The following ZBTB20 variants were observed in gnomAD, a reference collection of about 807,000 sequenced individuals.
ZBTB20 encodes the protein zinc finger and BTB domain containing 20.
Under a neutral mutation model 56.9 loss-of-function variants are expected in ZBTB20, and 9 were observed. The observed-to-expected ratio is 0.16, with a 90% CI of 0.10 to 0.28. The LOEUF (loss-of-function observed/expected upper bound fraction) is 0.28. ZBTB20 is among the 10% of genes least tolerant of loss of function. The pLI, the probability that ZBTB20 is intolerant of heterozygous loss-of-function variation, is 1.00. For synonymous variants in ZBTB20, 417 were observed against 420.7 expected (o/e 0.99, Z 0.11); for missense variants, 655 against 1,003.0 (o/e 0.65, Z 4.69).
chr3:115,002,289 G>T (rs2079284857), intron 2 of ZBTB20, among the ~76,000 whole-genome samples: 1 of 151,412 alleles, frequency 6.6e-6, no homozygotes, highest in African/African-American at 2.4e-5. Flanking sequence ...ATAAATAGGA[G>T]AACATCTAGT....
intron 5 of ZBTB20, among the ~76,000 whole-genome samples, chr3:114,798,515 T>C (rs1467324361): frequency 1.3e-5 from 2 of 151,814 alleles, no homozygotes; most frequent in Non-Finnish European, 2.9e-5. Context: ...AGACCCTGAT[T>C]GTAGTGGAAA....
intron 3 of ZBTB20, among the ~76,000 whole-genome samples, chr3:114,912,280 G>A (rs867776448): frequency 1.3e-5 from 2 of 150,472 alleles, no homozygotes; most frequent in Admixed American, 6.7e-5. Flanking sequence ...AGCTCTTGGA[G>A]TGGAAATAAA....
intron 4 of ZBTB20, among the ~76,000 whole-genome samples, chr3:114,857,171 T>C (rs1352233224): frequency 6.6e-6 from 1 of 152,166 alleles, no homozygotes; most frequent in Non-Finnish European, 1.5e-5. Flanking sequence ...TTTTCATGCA[T>C]AGCTGCTTCT....
chr3:115,022,529 G>A (rs1468924275), intron 2 of ZBTB20, among the ~76,000 whole-genome samples: 1 of 151,012 alleles, frequency 6.6e-6, no homozygotes, highest in Non-Finnish European at 1.5e-5. Context: ...TTAGAGCCAT[G>A]TTTACCTGAC....
intron 4 of ZBTB20, among the ~76,000 whole-genome samples, chr3:114,859,174 G>C (rs1363129570): frequency 1.3e-5 from 2 of 151,694 alleles, no homozygotes; most frequent in Admixed American, 6.6e-5. Flanking sequence ...TCTGCTGCCT[G>C]CCTGCCCACC....
intron 8 of ZBTB20, 80 bp from the exon 9 acceptor site, chr3:114,381,020 G>T: frequency 3.0e-6 from 1 of 330,098 alleles, no homozygotes; most frequent in Admixed American, 4.7e-5. Flanking sequence ...CTACATTAAG[G>T]AACATTCAAC....
chr3:114,923,526 A>G lies in ZBTB20; in HGVS notation c.-455-23184T>C, dbSNP rs116160233. Among the ~76,000 whole-genome samples, 1,056 of 152,334 alleles carry G rather than the reference A, an allele frequency of 6.9e-3. 10 individuals carry two copies. The highest frequency in any genetic ancestry group is 0.023 in the African/African-American group (956 of 41,574). On this transcript the variant is annotated intron_variant, in intron 3 of 11. Coordinates refer to ENST00000675478, the MANE Select transcript of ZBTB20 (RefSeq NM_001348800.3). ...GGGAAACTGGATACTCAAATGCAAA[A>G]GAATAAGACTGGATCCTTGTCTTGC...
chr3:114,598,161 A>T (rs2056471248), intron 6 of ZBTB20, among the ~76,000 whole-genome samples: 1 of 152,132 alleles, frequency 6.6e-6, no homozygotes, highest in African/African-American at 2.4e-5. Flanking sequence ...TTTATACTGT[A>T]AAATTAAGGT....
intron 5 of ZBTB20, among the ~76,000 whole-genome samples, chr3:114,716,953 G>A (rs2064523706): frequency 6.6e-6 from 1 of 151,966 alleles, no homozygotes; most frequent in Non-Finnish European, 1.5e-5. Flanking sequence ...AGATCCAGGA[G>A]AATAAACAAA....
chr3:114,742,904 C>CT (rs2066724681), intron 5 of ZBTB20, among the ~76,000 whole-genome samples: 1 of 152,172 alleles, frequency 6.6e-6, no homozygotes, highest in South Asian at 2.1e-4. Context: ...TGTTGGGTGT[C>CT]TCCCATGGAG....
intron 7 of ZBTB20, among the ~76,000 whole-genome samples, chr3:114,497,000 G>C (rs1490684705): frequency 6.6e-6 from 1 of 152,154 alleles, no homozygotes; most frequent in Admixed American, 6.5e-5. Context: ...TATTCAAATT[G>C]AGGTCTTTGC....
intron 2 of ZBTB20, among the ~76,000 whole-genome samples, chr3:115,055,840 AAATT>A (rs1184951275): frequency 6.6e-6 from 1 of 152,144 alleles, no homozygotes; most frequent in African/African-American, 2.4e-5. Context: ...CAGATAATTG[AAATT>A]AATTATAGAG....
intron 6 of ZBTB20, among the ~76,000 whole-genome samples, chr3:114,504,015 C>T (rs1156267476): frequency 1.3e-5 from 2 of 152,050 alleles, no homozygotes; most frequent in African/African-American, 2.4e-5. Flanking sequence ...GGTTAGGAAC[C>T]CCTGGCCTAG....
intron 4 of ZBTB20, among the ~76,000 whole-genome samples, chr3:114,887,299 T>C (rs1232177465): frequency 6.6e-6 from 1 of 152,144 alleles, no homozygotes; most frequent in Non-Finnish European, 1.5e-5. Context: ...AAGTCTTCCA[T>C]AGATATTTAC....
At chr3:114,364,902 C>T (rs746243845) in intron 10 of ZBTB20, among the ~76,000 whole-genome samples, 1 of 152,106 alleles carries the variant, frequency 6.6e-6, no homozygotes, top group Non-Finnish European at 1.5e-5. Flanking sequence ...TCAGTTTGCA[C>T]CTGTAATTTC....
intron 2 of ZBTB20, among the ~76,000 whole-genome samples, chr3:115,067,894 A>G (rs1285826219): frequency 6.6e-6 from 1 of 152,134 alleles, no homozygotes; most frequent in East Asian, 1.9e-4. Context: ...AAGTTTAGCA[A>G]TACATCCTGG....
intron 5 of ZBTB20, among the ~76,000 whole-genome samples, chr3:114,706,577 G>A (rs1483719702): frequency 6.6e-6 from 1 of 152,118 alleles, no homozygotes; most frequent in African/African-American, 2.4e-5. Flanking sequence ...GGGGTTCAGA[G>A]ATACATCCTC....
At chr3:114,855,576 A>C (rs184995094) in intron 4 of ZBTB20, among the ~76,000 whole-genome samples, 3 of 152,292 alleles carry the variant, frequency 2.0e-5, no homozygotes, top group South Asian at 4.1e-4. Context: ...TAAACCAAAA[A>C]CTAGGGCCAG....
chr3:114,620,693 A>G lies in ZBTB20; in HGVS notation c.-295+72835T>C, dbSNP rs993631945. On this transcript the variant is annotated intron_variant, in intron 6 of 11. Transcript: ENST00000675478. The stretch of plus-strand genomic sequence containing the variant: ...ATTCATTGATCCTCCACTCAGACTG[A>G]GCCAATCTGACACTGGTTGGGAGAG... 3.3e-5 allele frequency among the ~76,000 whole-genome samples: 5 copies of G among 152,206 alleles called. No individual in the cohort carries two copies. In the East Asian group the frequency reaches 9.6e-4, roughly 29 times the overall value.
Sources: gnomAD v4.1 joint callset for allele counts (sites outside exome capture counted in the v4.1 genomes callset) on GRCh38, gnomAD v4.1.1 for gene constraint, MANE v1.5 for transcripts, NCBI Gene and HGNC (gene_info 2026-07-23, HGNC 2026-07-21) for gene names.